Variants in NAB1 observed in about 807,000 individuals in gnomAD.
NAB1 encodes the protein NGFI-A-binding protein 1.
NAB1 carries 25 observed loss-of-function variants against 49.9 expected under a neutral mutation model. The ratio of observed to expected loss-of-function variants is 0.50; its 90% CI spans 0.37 to 0.70. The LOEUF is 0.70. NAB1 is among the 30% of genes least tolerant of loss of function. The pLI is 0.00. For synonymous variants in NAB1, 198 were observed against 215.6 expected, an observed-to-expected ratio of 0.92 and a Z score of 0.71; for missense variants, 489 against 575.9, an observed-to-expected ratio of 0.85 and a Z score of 1.54.
chr2:190,651,423 T>C lies in NAB1; in HGVS notation c.-197+1441T>C, dbSNP rs1553545366. On this transcript the variant is annotated intron_variant, in intron 2 of 9. Coordinates refer to ENST00000337386, the MANE Select transcript of NAB1 (RefSeq NM_005966.4). The surrounding 1 kb of genome is among the most constrained non-coding windows in gnomAD (Gnocchi z 4.3). ...GAACCTATTGGTTTATTAAAGATTT[T>C]GGGGGTTTGCACTGTGGATGCTTCT... Among the ~76,000 whole-genome samples, 1 of 152,196 alleles carries C rather than the reference T, an allele frequency of 6.6e-6. No homozygotes were observed. The highest frequency in any genetic ancestry group is 1.5e-5 in the Non-Finnish European group (1 of 68,024).
At chr2:190,665,162 C>T (rs570839703) in intron 4 of NAB1, among the ~76,000 whole-genome samples, 1 of 151,768 alleles carries the variant, frequency 6.6e-6, no homozygotes, top group Non-Finnish European at 1.5e-5. Flanking sequence ...ATTAAAGATA[C>T]CTTTGTGTAA....
chr2:190,677,869 C>G lies in NAB1; in HGVS notation c.1005+4717C>G, dbSNP rs1039827939. Among the ~76,000 whole-genome samples the G allele has an allele frequency of 2.0e-5, 3 of 152,164 alleles. No individual in the cohort carries two copies. The East Asian group carries it at 5.8e-4, about 29-fold the overall frequency. On this transcript the variant is annotated intron_variant, in intron 6 of 9. Coordinates refer to ENST00000337386, the MANE Select transcript of NAB1 (RefSeq NM_005966.4). This position sits in a 1 kb window ranked among gnomAD's most constrained non-coding sequence, Gnocchi z 5.6. ...GTGCTAATGATTATTCACAAAGCATCTTACCTGTGAAAAAAACACTATTGG... is the reference window on the plus strand; with the variant it reads ...GTGCTAATGATTATTCACAAAGCATGTTACCTGTGAAAAAAACACTATTGG...
At chr2:190,658,173 CT>C (rs1694027678) in intron 3 of NAB1, among the ~76,000 whole-genome samples, 1 of 152,184 alleles carries the variant, frequency 6.6e-6, no homozygotes, top group Non-Finnish European at 1.5e-5. Context: ...TTGGCTCTGT[CT>C]TAGGCTTTCT....
Position 190,670,348 on chromosome 2 carries a change from C to T in NAB1, c.842C>T (p.Ala281Val), listed in dbSNP as rs369908630. Residue 281 changes from alanine (A) to valine (V), a missense_variant, in exon 5 of 10, where the codon GCT becomes GTT. Physicochemically the swap from Ala to Val is moderately conservative, Grantham distance 64. This residue lies in a region of NAB1 where 38 missense variants were observed against 70.1 expected (regional missense o/e 0.54). Coordinates refer to ENST00000337386, the MANE Select transcript of NAB1 (RefSeq NM_005966.4). The surrounding 1 kb of genome is among the most constrained non-coding windows in gnomAD (Gnocchi z 5.3). Reference sequence around the variant, plus strand: ...CAGCTCACTGTTAATGAAGCGGCTGCTCAACTCTGTGTGAAGGATAATGCC... The same window carrying T: ...CAGCTCACTGTTAATGAAGCGGCTGTTCAACTCTGTGTGAAGGATAATGCC... The part of the protein sequence containing the change: ...LHELTVNEAA[A>V]QLCVKDNALL... 18 of 1,613,284 alleles carry T rather than the reference C, an allele frequency of 1.1e-5. No individual in the cohort carries two copies. The highest frequency in any genetic ancestry group is 3.4e-6 in the Non-Finnish European group (4 of 1,179,760).
Position 190,686,910 on chromosome 2 carries a change from A to T in NAB1, c.1259-291A>T, listed in dbSNP as rs1210252763. Among the ~76,000 whole-genome samples, 1 of 152,018 alleles carries T rather than the reference A, an allele frequency of 6.6e-6. No homozygotes were observed. Among genetic ancestry groups the T allele is most frequent in the Non-Finnish European group, 1.5e-5 (1 of 68,006 alleles). Reference sequence around the variant, plus strand: ...GTTCTAGTAAGAAAATGCCTTATAGAGGAGATGTATTATATGCCAAAACTG... The same window carrying T: ...GTTCTAGTAAGAAAATGCCTTATAGTGGAGATGTATTATATGCCAAAACTG... On this transcript the variant is annotated intron_variant, in intron 8 of 9. Coordinates refer to ENST00000337386, the MANE Select transcript of NAB1 (RefSeq NM_005966.4). The surrounding 1 kb of genome is among the most constrained non-coding windows in gnomAD (Gnocchi z 5.5).
In NAB1 at chr2:190,675,255, A is replaced by G. The variant is rs1045028716; in HGVS notation, c.1005+2103A>G. On this transcript the variant is annotated intron_variant, in intron 6 of 9. Coordinates refer to ENST00000337386, the MANE Select transcript of NAB1 (RefSeq NM_005966.4). The surrounding 1 kb of genome is among the most constrained non-coding windows in gnomAD (Gnocchi z 5.2). ...CTCACCATTGGCCCTAAGTGTGATCATGATTCAGGCTGCTCACATTTAAGC... is the reference window on the plus strand; with the variant it reads ...CTCACCATTGGCCCTAAGTGTGATCGTGATTCAGGCTGCTCACATTTAAGC... Among the ~76,000 whole-genome samples the G allele has an allele frequency of 2.6e-5, 4 of 152,232 alleles. 1 individual carries two copies. The highest frequency in any genetic ancestry group is 4.4e-5 in the Non-Finnish European group (3 of 68,040).
intron 9 of NAB1, among the ~76,000 whole-genome samples, chr2:190,688,672 A>G (rs1251595989): frequency 2.0e-5 from 3 of 152,218 alleles, no homozygotes; most frequent in Non-Finnish European, 4.4e-5. Context: ...TACATATTTC[A>G]TGGAGATATA....
chr2:190,661,081 C>T (rs1204536827), intron 4 of NAB1, among the ~76,000 whole-genome samples: 1 of 151,976 alleles, frequency 6.6e-6, no homozygotes, highest in East Asian at 1.9e-4. Flanking sequence ...GTGTGTGCCA[C>T]CACACCAAGT....
intron 4 of NAB1, among the ~76,000 whole-genome samples, chr2:190,665,402 C>T (rs1694465825): frequency 6.6e-6 from 1 of 151,582 alleles, no homozygotes; most frequent in Non-Finnish European, 1.5e-5. Flanking sequence ...ATTCTCCTCT[C>T]CTGATTCTCA....
Position 190,659,006 on chromosome 2 carries a change from G to C in NAB1, c.-19-152G>C. On this transcript the variant is annotated intron_variant, in intron 3 of 9. Coordinates refer to ENST00000337386, the MANE Select transcript of NAB1 (RefSeq NM_005966.4). The surrounding 1 kb of genome is among the most constrained non-coding windows in gnomAD (Gnocchi z 6.2). ...TAAGGTTTTTAGGAGTTCAGAATGA[G>C]ATAAAGTATGTAGAGAGAATGCTGC... The C allele has an allele frequency of 3.4e-6, 2 of 582,724 alleles. No individual in the cohort carries two copies. The highest frequency in any genetic ancestry group is 6.0e-6 in the Non-Finnish European group (2 of 333,834). The allele number at this position is 582,724 out of a possible 1,614,324, so 36.1% of individuals were successfully genotyped here. A position where few individuals can be genotyped will look rare whatever the true frequency, so the allele number is the denominator to read the frequency against.
At position 190,675,235 on chromosome 2, in the gene NAB1, C is replaced by A. The variant is rs888657490; in HGVS notation, c.1005+2083C>A. 2.6e-4 allele frequency among the ~76,000 whole-genome samples: 40 copies of A among 152,196 alleles called. No homozygotes were observed. The highest frequency in any genetic ancestry group is 8.5e-4 in the Admixed American group (13 of 15,280). The stretch of plus-strand genomic sequence containing the variant: ...AAATATGTCTCTATCTATTTCTCAC[C>A]ATTGGCCCTAAGTGTGATCATGATT... On this transcript the variant is annotated intron_variant, in intron 6 of 9. Transcript: ENST00000337386. This position sits in a 1 kb window ranked among gnomAD's most constrained non-coding sequence, Gnocchi z 5.2.
rs1347020103 is a variant in NAB1, at chr2:190,651,386, C to T, written c.-197+1404C>T. Among the ~76,000 whole-genome samples the T allele has an allele frequency of 6.6e-6, 1 of 152,132 alleles. No homozygotes were observed. The highest frequency in any genetic ancestry group is 1.5e-5 in the Non-Finnish European group (1 of 68,028). On this transcript the variant is annotated intron_variant, in intron 2 of 9. Coordinates refer to ENST00000337386, the MANE Select transcript of NAB1 (RefSeq NM_005966.4). This position sits in a 1 kb window ranked among gnomAD's most constrained non-coding sequence, Gnocchi z 4.3. ...CTGAAAGCATTAGGTATTTTCATCA[C>T]GGTATAGCTAAGAACCTATTGGTTT...
rs1409234455 is a variant in NAB1 at position 190,679,635 on chromosome 2, TG to T, written c.1006-4100del. 1.3e-5 allele frequency among the ~76,000 whole-genome samples: 2 copies of T among 152,324 alleles called. No homozygotes were observed. Among genetic ancestry groups the T allele is most frequent in the East Asian group, 3.9e-4 (2 of 5,188 alleles). On this transcript the variant is annotated intron_variant, in intron 6 of 9. Coordinates refer to ENST00000337386, the MANE Select transcript of NAB1 (RefSeq NM_005966.4). The surrounding 1 kb of genome is among the most constrained non-coding windows in gnomAD (Gnocchi z 5.3). ...TTATTTAATCCCCACAAACTTCCAG[TG>T]GGCAGATACACAGGTGGTGTAATCC... is the stretch of plus-strand genomic sequence containing the variant.
chr2:190,669,092 A>G lies in NAB1; in HGVS notation c.820-1234A>G, dbSNP rs1694671626. On this transcript the variant is annotated intron_variant, in intron 4 of 9. Coordinates refer to ENST00000337386, the MANE Select transcript of NAB1 (RefSeq NM_005966.4). The surrounding 1 kb of genome is among the most constrained non-coding windows in gnomAD (Gnocchi z 4.3). ...CCATCTGTTGACTGAGATGGCCACC[A>G]AGTGACTGACAGCCAGGAGTATAGA... Among the ~76,000 whole-genome samples the G allele has an allele frequency of 6.6e-6, 1 of 152,258 alleles. No homozygotes were observed. The highest frequency in any genetic ancestry group is 6.5e-5 in the Admixed American group (1 of 15,292).
At position 190,654,710 on chromosome 2, in the gene NAB1, A is replaced by G. The variant is rs765889212; in HGVS notation, c.-196-1267A>G. ...AACTTGGCATTGCAGTGTGGGATCT[A>G]TTGAAGGTGAAGGAGCTTTTTTCAA... On this transcript the variant is annotated intron_variant, in intron 2 of 9. Transcript: ENST00000337386. The surrounding 1 kb of genome is among the most constrained non-coding windows in gnomAD (Gnocchi z 5.6). 2.0e-5 allele frequency among the ~76,000 whole-genome samples: 3 copies of G among 152,154 alleles called. No individual in the cohort carries two copies. Among genetic ancestry groups the G allele is most frequent in the Admixed American group, 6.5e-5 (1 of 15,270 alleles).
rs146110430 is a variant in NAB1, at chr2:190,657,399, C to T, written c.-20+1246C>T. Among the ~76,000 whole-genome samples, 59 of 152,146 alleles carry T rather than the reference C, an allele frequency of 3.9e-4. No individual in the cohort carries two copies. The highest frequency in any genetic ancestry group is 1.3e-3 in the African/African-American group (56 of 41,498). ...AGTACCTGTAGGAGTTTGTGGTGCC[C>T]GGAGGATTTATTAAGTAGGAATCTT... On this transcript the variant is annotated intron_variant, in intron 3 of 9. Transcript: ENST00000337386. The surrounding 1 kb of genome is among the most constrained non-coding windows in gnomAD (Gnocchi z 4.4).
intron 4 of NAB1, among the ~76,000 whole-genome samples, chr2:190,662,759 A>G (rs1474591580): frequency 4.6e-5 from 7 of 152,240 alleles, no homozygotes; most frequent in Non-Finnish European, 8.8e-5. Context: ...TTGGCATTAC[A>G]GAATATTTGT....
chr2:190,692,575 G>C lies in NAB1; in HGVS notation c.*2242G>C, dbSNP rs767870565. ...ATTAGTTGATTTTTTCATTTTGTTA[G>C]AGGTATTTTCACTGAACAAGGTCAA... On this transcript the variant is annotated 3_prime_UTR_variant, in exon 10 of 10. Transcript: ENST00000337386. This position sits in a 1 kb window ranked among gnomAD's most constrained non-coding sequence, Gnocchi z 5.2. 6.6e-6 allele frequency: 1 copy of C among 152,600 alleles called. No individual in the cohort carries two copies. Among genetic ancestry groups the C allele is most frequent in the Non-Finnish European group, 1.5e-5 (1 of 68,046 alleles). 9.5% of individuals were successfully genotyped at this position (152,600 alleles called of 1,614,324 possible).
In NAB1 at chr2:190,676,428, T is replaced by C. The variant is rs919888844; in HGVS notation, c.1005+3276T>C. 2.6e-5 allele frequency among the ~76,000 whole-genome samples: 4 copies of C among 152,200 alleles called. No individual in the cohort carries two copies. Among genetic ancestry groups the C allele is most frequent in the African/African-American group, 2.4e-5 (1 of 41,450 alleles). On this transcript the variant is annotated intron_variant, in intron 6 of 9. Coordinates refer to ENST00000337386, the MANE Select transcript of NAB1 (RefSeq NM_005966.4). The surrounding 1 kb of genome is among the most constrained non-coding windows in gnomAD (Gnocchi z 4.6). ...GATTCTCAGCTTGTTATTTTCTATT[T>C]AAAGAAAGTAATATACAAGACTGAG... is the stretch of plus-strand genomic sequence containing the variant.
Sources: gnomAD v4.1 joint callset for allele counts (sites outside exome capture counted in the v4.1 genomes callset) on GRCh38, gnomAD v4.1.1 for gene constraint, gnomAD v4.1.1 regional missense constraint, Gnocchi (gnomAD v3.1) non-coding constraint, MANE v1.5 for transcripts, NCBI Gene and HGNC (gene_info 2026-07-23, HGNC 2026-07-21) for gene names.